Variants in CSGALNACT1 observed in about 807,000 individuals in gnomAD.
CSGALNACT1 encodes chondroitin sulfate N-acetylgalactosaminyltransferase 1, also known as beta4GalNAcT-1.
Under a neutral mutation model 51.0 loss-of-function variants are expected in CSGALNACT1, and 52 were observed. The ratio of observed to expected loss-of-function variants is 1.02; its 90% CI spans 0.82 to 1.29. CSGALNACT1 has a LOEUF of 1.29. CSGALNACT1 is among the 50% of genes most tolerant of loss of function. CSGALNACT1 has a pLI of 0.00. For synonymous variants in CSGALNACT1, 341 were observed against 254.4 expected (o/e 1.34, Z -3.24); for missense variants, 935 against 679.2 (o/e 1.38, Z -4.19).
chr8:19,613,236 T>G (rs2052544475), intron 1 of CSGALNACT1, among the ~76,000 whole-genome samples: 1 of 152,208 alleles, frequency 6.6e-6, no homozygotes, highest in South Asian at 2.1e-4. Context: ...TCACCTATTT[T>G]CAAAAACATC....
At chr8:19,592,596 A>C (rs1413790637) in intron 2 of CSGALNACT1, among the ~76,000 whole-genome samples, 2 of 152,116 alleles carry the variant, frequency 1.3e-5, no homozygotes, top group East Asian at 3.9e-4. Context: ...TACAAAAGAT[A>C]CAAAAAATTT....
At chr8:19,581,656 A>G (rs1178239791) in intron 3 of CSGALNACT1, among the ~76,000 whole-genome samples, 2 of 152,168 alleles carry the variant, frequency 1.3e-5, no homozygotes, top group Non-Finnish European at 2.9e-5. Context: ...GTATAAAAAT[A>G]TTTTAATTGA....
chr8:19,554,772 G>T (rs138911865), intron 3 of CSGALNACT1, among the ~76,000 whole-genome samples: 3,187 of 152,140 alleles, frequency 0.021, 98 homozygotes, highest in African/African-American at 0.066. Flanking sequence ...ACAAAAATTA[G>T]CTGGGTGTGG....
rs185964566 is a variant in CSGALNACT1 at position 19,457,477 on chromosome 8, G to A, written c.851+949C>T. The A allele has an allele frequency of 1.0e-4, 40 of 382,470 alleles. No homozygotes were observed. The East Asian group carries it at 2.7e-3, about 26-fold the overall frequency. 23.7% of individuals were successfully genotyped at this position (382,470 alleles called of 1,614,324 possible). The stretch of plus-strand genomic sequence containing the variant: ...AAAATGCAAAAATTAGCCGGGCATG[G>A]TAATGGGCATCTGTAATCCCAGCTA... On this transcript the variant is annotated intron_variant, in intron 5 of 9. Coordinates refer to ENST00000454498, the Ensembl canonical transcript of CSGALNACT1.
chr8:19,682,509 C>A lies in CSGALNACT1; in HGVS notation c.-580G>T, dbSNP rs1403452491. 1.8e-5 allele frequency: 7 copies of A among 391,156 alleles called. No individual in the cohort carries two copies. The Admixed American group carries it at 1.9e-4, about 11-fold the overall frequency. 24.2% of individuals were successfully genotyped at this position (391,156 alleles called of 1,614,324 possible). A position where few individuals can be genotyped will look rare whatever the true frequency, so the allele number is the denominator to read the frequency against. Reference sequence around the variant, plus strand: ...ATCAAAAAGATGACACCTGTTGTCACCCCTGCCCGGGGACGTATGGTCTTT... The same window carrying A: ...ATCAAAAAGATGACACCTGTTGTCAACCCTGCCCGGGGACGTATGGTCTTT... On this transcript the variant is annotated 5_prime_UTR_variant, in exon 1 of 10. Coordinates refer to the CSGALNACT1 transcript ENST00000332246.
At chr8:19,664,387 G>A (rs930428556) in intron 1 of CSGALNACT1, among the ~76,000 whole-genome samples, 1 of 152,104 alleles carries the variant, frequency 6.6e-6, no homozygotes, top group Non-Finnish European at 1.5e-5. Flanking sequence ...ACTGCTGGTG[G>A]GAATGTAAAT....
At chr8:19,426,608 TC>T (rs1374146697) in intron 6 of CSGALNACT1, among the ~76,000 whole-genome samples, 2 of 152,210 alleles carry the variant, frequency 1.3e-5, no homozygotes, top group Admixed American at 1.3e-4. Context: ...TATTTCTTTT[TC>T]TTTTCTTGAA....
intron 4 of CSGALNACT1, among the ~76,000 whole-genome samples, chr8:19,471,236 G>A (rs552501466): frequency 6.6e-5 from 10 of 152,296 alleles, no homozygotes; most frequent in East Asian, 1.9e-4. Context: ...AACGCACTGC[G>A]CTTGCTCAAT....
At chr8:19,675,235 A>C (rs1416669112) in intron 1 of CSGALNACT1, among the ~76,000 whole-genome samples, 1 of 152,198 alleles carries the variant, frequency 6.6e-6, no homozygotes, top group Non-Finnish European at 1.5e-5. Context: ...CTAGGAAAAC[A>C]AAACAAAATC....
chr8:19,526,587 A>C (rs898596450), intron 3 of CSGALNACT1, among the ~76,000 whole-genome samples: 1 of 152,088 alleles, frequency 6.6e-6, no homozygotes, highest in African/African-American at 2.4e-5. Flanking sequence ...GTTTCAAAAT[A>C]ATAATAATAA....
chr8:19,659,234 A>C (rs186002002), intron 1 of CSGALNACT1, among the ~76,000 whole-genome samples: 19 of 152,352 alleles, frequency 1.2e-4, no homozygotes, highest in African/African-American at 4.3e-4. Flanking sequence ...CCACCACATT[A>C]GATCCATATT....
chr8:19,570,408 G>A (rs1284511473), intron 3 of CSGALNACT1, among the ~76,000 whole-genome samples: 1 of 152,040 alleles, frequency 6.6e-6, no homozygotes, highest in Non-Finnish European at 1.5e-5. Context: ...CCCCTACAAA[G>A]GTACAGAAGC....
chr8:19,704,700 G>A (rs1301094641), intron 1 of CSGALNACT1, among the ~76,000 whole-genome samples: 1 of 152,062 alleles, frequency 6.6e-6, no homozygotes, highest in Non-Finnish European at 1.5e-5. Flanking sequence ...ATGGATGGGT[G>A]GATAAATGGA....
intron 3 of CSGALNACT1, among the ~76,000 whole-genome samples, chr8:19,527,190 G>A (rs1486254318): frequency 6.6e-6 from 1 of 152,166 alleles, no homozygotes; most frequent in Non-Finnish European, 1.5e-5. Flanking sequence ...AGGAACAAAA[G>A]GAACAAAGGG....
intron 4 of CSGALNACT1, among the ~76,000 whole-genome samples, chr8:19,490,061 C>G (rs1056205342): frequency 9.9e-5 from 15 of 152,116 alleles, no homozygotes; most frequent in Admixed American, 5.2e-4. Flanking sequence ...TTGATGGCCC[C>G]CAAATATTTC....
At chr8:19,486,653 C>A (rs1200974484) in intron 4 of CSGALNACT1, among the ~76,000 whole-genome samples, 1 of 152,184 alleles carries the variant, frequency 6.6e-6, no homozygotes, top group East Asian at 1.9e-4. Flanking sequence ...TCCAATATCA[C>A]CTACTCAATG....
chr8:19,635,780 T>G (rs2055966942), intron 1 of CSGALNACT1, among the ~76,000 whole-genome samples: 1 of 152,178 alleles, frequency 6.6e-6, no homozygotes, highest in African/African-American at 2.4e-5. Context: ...CAGGCTGGTG[T>G]GTAGTGGCGT....
intron 3 of CSGALNACT1, among the ~76,000 whole-genome samples, chr8:19,560,286 C>A (rs2154095702): frequency 6.6e-6 from 1 of 152,246 alleles, no homozygotes; most frequent in African/African-American, 2.4e-5. Context: ...AACTCTAAAG[C>A]TTTTAAAATT....
At chr8:19,431,490 C>T (rs1258033065) in intron 6 of CSGALNACT1, among the ~76,000 whole-genome samples, 2 of 151,726 alleles carry the variant, frequency 1.3e-5, no homozygotes, top group East Asian at 3.9e-4. Context: ...TTGAGCCAAA[C>T]TTGCATTCCT....
Sources: gnomAD v4.1 joint callset for allele counts (sites outside exome capture counted in the v4.1 genomes callset) on GRCh38, gnomAD v4.1.1 for gene constraint, MANE v1.5 for transcripts, NCBI Gene and HGNC (gene_info 2026-07-23, HGNC 2026-07-21) for gene names.